The following SIK2 variants were observed in gnomAD, a reference collection of about 807,000 sequenced individuals.
SIK2 encodes salt inducible kinase 2.
A neutral mutation model predicts 103.2 loss-of-function variants in SIK2; 29 were observed. The observed-to-expected ratio is 0.28, with a 90% confidence interval of 0.21 to 0.38. SIK2 has a LOEUF of 0.38. Ranked by LOEUF, SIK2 falls within the 10% of genes least tolerant of loss-of-function variation. The pLI is 1.00. For missense variants in SIK2, 879 were observed against 1,171.0 expected (o/e 0.75, Z 3.64); for synonymous variants, 412 against 446.1 (o/e 0.92, Z 0.96).
chr11:111,652,651 T>C (rs1339514613), intron 3 of SIK2, among the ~76,000 whole-genome samples: 1 of 152,240 alleles, frequency 6.6e-6, no homozygotes, highest in Non-Finnish European at 1.5e-5. Context: ...CTATTGTTAA[T>C]AATGCTAAAT....
intron 3 of SIK2, among the ~76,000 whole-genome samples, chr11:111,624,510 T>C (rs763053450): frequency 2.1e-4 from 32 of 152,254 alleles, no homozygotes; most frequent in Non-Finnish European, 4.3e-4. Flanking sequence ...TTTATTCATT[T>C]TATTTTTCTT....
At chr11:111,616,459 A>G in intron 2 of SIK2, 100 bp downstream of exon 2, 1 of 734,492 alleles carries the variant, frequency 1.4e-6, no homozygotes, top group South Asian at 1.8e-5. Context: ...AATCAATGAA[A>G]GAAAATAAAT....
At chr11:111,687,410 G>C (rs1394396604) in intron 3 of SIK2, among the ~76,000 whole-genome samples, 1 of 151,160 alleles carries the variant, frequency 6.6e-6, no homozygotes, top group African/African-American at 2.4e-5. Context: ...AGCTACTCGG[G>C]AGGCTGAGGC....
At chr11:111,635,471 G>C (rs1942097154) in intron 3 of SIK2, among the ~76,000 whole-genome samples, 1 of 87,370 alleles carries the variant, frequency 1.1e-5, no homozygotes, top group Non-Finnish European at 2.8e-5. Flanking sequence ...AAATGAGTAA[G>C]GAGGGAGAGA....
At chr11:111,690,436 T>A (rs1942918349) in intron 4 of SIK2, among the ~76,000 whole-genome samples, 1 of 151,812 alleles carries the variant, frequency 6.6e-6, no homozygotes, top group African/African-American at 2.4e-5. Context: ...TTTATTTATT[T>A]TTTATTTTTT....
chr11:111,631,982 G>A (rs1428151607), intron 3 of SIK2, among the ~76,000 whole-genome samples: 1 of 152,116 alleles, frequency 6.6e-6, no homozygotes, highest in Admixed American at 6.6e-5. Context: ...ATTCCACAAA[G>A]AGTTGAAGTA....
At chr11:111,639,333 G>A (rs1942151257) in intron 3 of SIK2, among the ~76,000 whole-genome samples, 2 of 152,050 alleles carry the variant, frequency 1.3e-5, no homozygotes, top group Non-Finnish European at 2.9e-5. Flanking sequence ...CACATCTTCT[G>A]GAAACCTTAG....
rs1943915470 is a variant in SIK2, at chr11:111,724,731, A to G, written c.*602A>G. The G allele has an allele frequency of 1.3e-5, 2 of 153,856 alleles. No homozygotes were observed. The highest frequency in any genetic ancestry group is 2.0e-4 in the South Asian group (1 of 4,896). The allele number at this position is 153,856 out of a possible 1,614,324, so 9.5% of individuals were successfully genotyped here. On this transcript the variant is annotated 3_prime_UTR_variant, in exon 15 of 15. Coordinates refer to ENST00000304987, the MANE Select transcript of SIK2 (RefSeq NM_015191.3). ...TGAGCTGTGTTTCAGGGGCCACTAA[A>G]TAACAGCTGGTACTGACCCCAGAAA...
In SIK2 at chr11:111,602,577, A is replaced by C. The variant is rs1350535817; in HGVS notation, c.14A>C (p.Asp5Ala). Residue 5 changes from aspartate (D) to alanine (A), a missense_variant, in exon 1 of 15, where the codon GAT (aspartate) becomes GCT (alanine). By Grantham distance (126) the Asp-to-Ala change is moderately radical. Transcript: ENST00000304987. This position sits in a 1 kb window ranked among gnomAD's most constrained non-coding sequence, Gnocchi z 4.5. ...GCGGGGCCCAGCATGGTCATGGCGG[A>C]TGGCCCGAGGCACTTGCAGCGCGGG... MVMA[D>A]GPRHLQRGPV... 4.6e-6 allele frequency: 7 copies of C among 1,525,848 alleles called. No individual in the cohort carries two copies. Among genetic ancestry groups the C allele is most frequent in the Non-Finnish European group, 6.2e-6 (7 of 1,136,870 alleles). 94.5% of individuals were successfully genotyped at this position (1,525,848 alleles called of 1,614,324 possible). A position where few individuals can be genotyped will look rare whatever the true frequency, so the allele number is the denominator to read the frequency against.
At position 111,701,603 on chromosome 11, in the gene SIK2, TGTTTTACA is replaced by T. The variant is rs777063930; in HGVS notation, c.727+31_727+38del. On this transcript the variant is annotated intron_variant, in intron 6 of 14. Coordinates refer to ENST00000304987, the MANE Select transcript of SIK2 (RefSeq NM_015191.3). This position sits in a 1 kb window ranked among gnomAD's most constrained non-coding sequence, Gnocchi z 4.2. ...AATCAACTTTTCATCTTATTAATGG[TGTTTTACA>T]GTGTTAGTGCTCCAAGTGAAATGCC... The T allele has an allele frequency of 1.1e-5, 17 of 1,610,798 alleles. No individual in the cohort carries two copies. In the Admixed American group the frequency reaches 2.0e-4, roughly 19 times the overall value.
rs146926654 is a variant in SIK2 at position 111,709,146 on chromosome 11, G to A, written c.1102-3065G>A. 1.8e-3 allele frequency among the ~76,000 whole-genome samples: 271 copies of A among 152,304 alleles called. 1 individual carries two copies. The highest frequency in any genetic ancestry group is 6.4e-3 in the African/African-American group (264 of 41,562). On this transcript the variant is annotated intron_variant, in intron 8 of 14. Coordinates refer to ENST00000304987, the MANE Select transcript of SIK2 (RefSeq NM_015191.3). ...AAATCAGGATGAGGGTGCCATGAGG[G>A]TTGCTACCTGGTGAGGCCTATCTTC...
intron 3 of SIK2, among the ~76,000 whole-genome samples, chr11:111,655,465 G>C (rs1425436642): frequency 6.6e-6 from 1 of 152,176 alleles, no homozygotes; most frequent in African/African-American, 2.4e-5. Flanking sequence ...AATAAAATCT[G>C]AAATCCCAAA....
chr11:111,631,820 G>A (rs1273646980), intron 3 of SIK2, among the ~76,000 whole-genome samples: 2 of 144,790 alleles, frequency 1.4e-5, no homozygotes, highest in African/African-American at 4.9e-5. Context: ...GGCTTCCTGT[G>A]CCATCTGGTT....
chr11:111,655,959 G>GC lies in SIK2; in HGVS notation c.317-32042_317-32041insC, dbSNP rs1233698776. 4.6e-5 allele frequency among the ~76,000 whole-genome samples: 7 copies of GC among 151,330 alleles called. No individual in the cohort carries two copies. The East Asian group carries it at 5.8e-4, about 13-fold the overall frequency. Reference sequence around the variant, plus strand: ...GCACTTTGGGAGGCCAAGGCAGGAGGATTGCTTAAGCTTAGGAGTTCGAGA... The same window carrying GC: ...GCACTTTGGGAGGCCAAGGCAGGAGGCATTGCTTAAGCTTAGGAGTTCGAGA... On this transcript the variant is annotated intron_variant, in intron 3 of 14. Coordinates refer to ENST00000304987, the MANE Select transcript of SIK2 (RefSeq NM_015191.3).
chr11:111,711,416 T>G (rs193258934), intron 8 of SIK2, among the ~76,000 whole-genome samples: 2 of 152,326 alleles, frequency 1.3e-5, no homozygotes, highest in Non-Finnish European at 2.9e-5. Flanking sequence ...CCACCGCGCC[T>G]GGCCTTAAAT....
At chr11:111,672,313 G>T in intron 3 of SIK2, 1 of 421,030 alleles carries the variant, frequency 2.4e-6, no homozygotes, top group Non-Finnish European at 4.2e-6. Context: ...GCTGATGCAG[G>T]CACCAGGCCT....
At chr11:111,663,645 GGAGTA>G (rs1942497206) in intron 3 of SIK2, among the ~76,000 whole-genome samples, 1 of 152,174 alleles carries the variant, frequency 6.6e-6, no homozygotes, top group Non-Finnish European at 1.5e-5. Flanking sequence ...GAGTGGAGCT[GGAGTA>G]GAGAGAGGAG....
At chr11:111,609,295 C>T (rs1316698642) in intron 1 of SIK2, among the ~76,000 whole-genome samples, 2 of 151,968 alleles carry the variant, frequency 1.3e-5, no homozygotes, top group African/African-American at 2.4e-5. Context: ...ATCTGTTTTT[C>T]CTACCCACTA....
rs1334154755 is a variant in SIK2, at chr11:111,616,321, A to G, written c.214A>G (p.Lys72Glu). The G allele has an allele frequency of 6.2e-7, 1 of 1,613,282 alleles. No homozygotes were observed. Among genetic ancestry groups the G allele is most frequent in the Non-Finnish European group, 8.5e-7 (1 of 1,179,326 alleles). Reference sequence around the variant, plus strand: ...AATCTACCGAGAAGTACAAATAATGAAAATGTTAGACCACCCTCACATAAT... The same window carrying G: ...AATCTACCGAGAAGTACAAATAATGGAAATGTTAGACCACCCTCACATAAT... Reference protein sequence around the residue: ...EKIYREVQIMKMLDHPHIIKL... With the variant: ...EKIYREVQIMEMLDHPHIIKL... The change falls in exon 2 of 15, where the codon AAA (lysine) becomes GAA (glutamate). Residue 72 changes from lysine to glutamate, a missense_variant. Lys to Glu is a moderately conservative substitution (Grantham distance 56, BLOSUM62 1). Coordinates refer to ENST00000304987, the MANE Select transcript of SIK2 (RefSeq NM_015191.3).
Sources: gnomAD v4.1 joint callset for allele counts (sites outside exome capture counted in the v4.1 genomes callset) on GRCh38, gnomAD v4.1.1 for gene constraint, Gnocchi (gnomAD v3.1) non-coding constraint, MANE v1.5 for transcripts, NCBI Gene and HGNC (gene_info 2026-07-23, HGNC 2026-07-21) for gene names.